PTPN4: variants seen among roughly 807,000 people sequenced by gnomAD.
PTPN4 encodes the protein protein tyrosine phosphatase non-receptor type 4, also known as tyrosine-protein phosphatase non-receptor type 4.
In PTPN4, 49 loss-of-function variants were observed where a neutral mutation model predicts 135.5. The observed-to-expected ratio is 0.36, with a 90% CI of 0.29 to 0.46. The LOEUF (loss-of-function observed/expected upper bound fraction) is 0.46, where lower values mean the gene tolerates loss of function less well. PTPN4 is among the 20% of genes least tolerant of loss of function. PTPN4 has a pLI of 1.00. For missense variants in PTPN4, 860 were observed against 1,101.0 expected (o/e 0.78, Z 3.10); for synonymous variants, 333 against 369.9 (o/e 0.90, Z 1.14).
At chr2:119,807,577 T>TA (rs1691496123) in intron 1 of PTPN4, among the ~76,000 whole-genome samples, 1 of 152,328 alleles carries the variant, frequency 6.6e-6, no homozygotes, top group South Asian at 2.1e-4. Context: ...ATTCAGGCAA[T>TA]AATTAATAGC....
At chr2:119,895,434 G>GT (rs1393873078) in intron 9 of PTPN4, among the ~76,000 whole-genome samples, 3 of 152,212 alleles carry the variant, frequency 2.0e-5, no homozygotes, top group Non-Finnish European at 4.4e-5. Flanking sequence ...GAGGTCAGGA[G>GT]TTTGAGACCA....
At chr2:119,777,994 A>G (rs1690868415) in intron 1 of PTPN4, among the ~76,000 whole-genome samples, 2 of 152,142 alleles carry the variant, frequency 1.3e-5, no homozygotes, top group Non-Finnish European at 2.9e-5. Context: ...AAAACTCTAT[A>G]GAGACCGGCA....
chr2:119,862,614 C>T lies in PTPN4; in HGVS notation c.217C>T (p.Gln73Ter). ...DLTEQDYFGL[Q>*]LADDSTDNPR... Reference sequence around the variant, plus strand: ...GACTGAGCAGGACTATTTTGGTTTACAGTTGGCTGATGATTCCACAGATAA... The same window carrying T: ...GACTGAGCAGGACTATTTTGGTTTATAGTTGGCTGATGATTCCACAGATAA... Residue 73 changes from glutamine to a stop codon, truncating the protein, a stop_gained, in exon 3 of 27, where the codon CAG becomes TAG. Coordinates refer to ENST00000263708, the MANE Select transcript of PTPN4 (RefSeq NM_002830.4). LOFTEE classifies it high-confidence loss of function. The T allele has an allele frequency of 6.2e-7, 1 of 1,612,144 alleles. No homozygotes were observed. The highest frequency in any genetic ancestry group is 8.5e-7 in the Non-Finnish European group (1 of 1,178,882).
intron 15 of PTPN4, among the ~76,000 whole-genome samples, chr2:119,943,428 T>C (rs1391044342): frequency 7.9e-5 from 12 of 152,114 alleles, no homozygotes; most frequent in Non-Finnish European, 1.5e-4. Flanking sequence ...CTTTCTTACA[T>C]TGTATGTACA....
intron 26 of PTPN4, among the ~76,000 whole-genome samples, chr2:119,974,876 C>G (rs1222392245): frequency 2.0e-5 from 3 of 152,156 alleles, no homozygotes; most frequent in African/African-American, 7.2e-5. Flanking sequence ...AGTGTTTTTA[C>G]TTAGCCTCTT....
At chr2:119,930,443 T>G (rs569731474) in intron 13 of PTPN4, among the ~76,000 whole-genome samples, 35 of 152,236 alleles carry the variant, frequency 2.3e-4, no homozygotes, top group African/African-American at 8.4e-4. Flanking sequence ...CCCTGAAAAT[T>G]TGGATATTCA....
At chr2:119,955,982 A>G (rs1295761809) in intron 20 of PTPN4, among the ~76,000 whole-genome samples, 1 of 151,008 alleles carries the variant, frequency 6.6e-6, no homozygotes, top group Admixed American at 6.6e-5. Flanking sequence ...AAATAAATAA[A>G]TAAAATCCTG....
intron 1 of PTPN4, among the ~76,000 whole-genome samples, chr2:119,767,047 A>G (rs1055131915): frequency 4.6e-5 from 7 of 152,236 alleles, no homozygotes; most frequent in African/African-American, 1.7e-4. Flanking sequence ...AAAGTACAAC[A>G]AAGAGCTCCT....
intron 9 of PTPN4, among the ~76,000 whole-genome samples, chr2:119,888,390 A>G (rs909505770): frequency 2.0e-5 from 3 of 152,142 alleles, no homozygotes; most frequent in African/African-American, 7.2e-5. Context: ...TATGTTGAAT[A>G]AGAGTGTGAA....
Position 119,828,816 on chromosome 2 carries a change from T to G in PTPN4, c.138+18825T>G, listed in dbSNP as rs564861149. Among the ~76,000 whole-genome samples, 10 of 152,344 alleles carry G rather than the reference T, an allele frequency of 6.6e-5. No homozygotes were observed. In the South Asian group the frequency reaches 1.2e-3, roughly 19 times the overall value. On this transcript the variant is annotated intron_variant, in intron 2 of 26. Transcript: ENST00000263708. Reference sequence around the variant, plus strand: ...TGCTTTTCCCAACATCTTTTCACTTTCTTTTTTACATAAGTAGAAGGCTCT... The same window carrying G: ...TGCTTTTCCCAACATCTTTTCACTTGCTTTTTTACATAAGTAGAAGGCTCT...
At chr2:119,815,690 C>A (rs564341498) in intron 2 of PTPN4, among the ~76,000 whole-genome samples, 1 of 152,000 alleles carries the variant, frequency 6.6e-6, no homozygotes, top group South Asian at 2.1e-4. Flanking sequence ...TATTCATGTA[C>A]ATTATTTAAT....
chr2:119,943,583 T>TTTC (rs1679090496), intron 15 of PTPN4, among the ~76,000 whole-genome samples: 2 of 125,786 alleles, frequency 1.6e-5, no homozygotes, highest in Admixed American at 8.0e-5. Context: ...TTTTTTTCTT[T>TTTC]TTTTTTTTTT....
At chr2:119,852,266 T>C (rs1295225963) in intron 2 of PTPN4, among the ~76,000 whole-genome samples, 1 of 152,224 alleles carries the variant, frequency 6.6e-6, no homozygotes, top group East Asian at 1.9e-4. Flanking sequence ...AAATTAGGTC[T>C]AAGCCAACGG....
intron 10 of PTPN4, among the ~76,000 whole-genome samples, chr2:119,909,277 G>C (rs1473276513): frequency 6.6e-6 from 1 of 152,148 alleles, no homozygotes; most frequent in Admixed American, 6.5e-5. Context: ...TGACTCTCTT[G>C]TTGCGGAATA....
chr2:119,817,698 GA>G (rs1401252584), intron 2 of PTPN4, among the ~76,000 whole-genome samples: 1 of 152,094 alleles, frequency 6.6e-6, no homozygotes. Flanking sequence ...CTAGTTCTTT[GA>G]AGAATGTCAA....
At chr2:119,774,429 G>A (rs79840698) in intron 1 of PTPN4, among the ~76,000 whole-genome samples, 1,690 of 152,290 alleles carry the variant, frequency 0.011, 16 homozygotes, top group Middle Eastern at 0.027. Context: ...AGCTACACCA[G>A]CAGGTGCAAA....
rs542114081 is a variant in PTPN4 at position 119,961,578 on chromosome 2, G to T, written c.2280+625G>T. On this transcript the variant is annotated intron_variant, in intron 23 of 26. Transcript: ENST00000263708. Reference sequence around the variant, plus strand: ...TCCTAAATCCAAAAGAGTTGAAAAGGTCTGTCCACACAAAAATTTGTACAT... The same window carrying T: ...TCCTAAATCCAAAAGAGTTGAAAAGTTCTGTCCACACAAAAATTTGTACAT... Among the ~76,000 whole-genome samples the T allele has an allele frequency of 8.5e-5, 13 of 152,264 alleles. No homozygotes were observed. The East Asian group carries it at 2.5e-3, about 29-fold the overall frequency.
At chr2:119,951,660 C>G (rs1679213618) in intron 18 of PTPN4, among the ~76,000 whole-genome samples, 1 of 152,056 alleles carries the variant, frequency 6.6e-6, no homozygotes. Flanking sequence ...ATCATGGTAA[C>G]TGAAGTTTGT....
At chr2:119,760,526 G>A in intron 1 of PTPN4, 142 bp downstream of exon 1, 1 of 380,988 alleles carries the variant, frequency 2.6e-6, no homozygotes, top group Non-Finnish European at 4.6e-6. Context: ...AGGAAAAAAG[G>A]ACAAAAACAA....
Sources: allele counts gnomAD v4.1 joint callset (sites outside exome capture counted in the v4.1 genomes callset), GRCh38; gene constraint gnomAD v4.1.1; transcripts MANE v1.5; gene names NCBI Gene and HGNC (gene_info 2026-07-23, HGNC 2026-07-21).